The following MID2 variants were observed in gnomAD, a reference collection of about 807,000 sequenced individuals.
MID2 encodes probable E3 ubiquitin-protein ligase MID2.
Under a neutral mutation model 46.1 loss-of-function variants are expected in MID2, and 13 were observed. The observed-to-expected ratio is 0.28, with a 90% CI of 0.18 to 0.45. The LOEUF (loss-of-function observed/expected upper bound fraction) is 0.45. Ranked by LOEUF, MID2 falls within the 20% of genes least tolerant of loss-of-function variation. The pLI is 1.00. For missense variants in MID2, 431 were observed against 575.4 expected (o/e 0.75, Z 2.57); for synonymous variants, 199 against 212.3 (o/e 0.94, Z 0.55).
rs1056985250 is a variant in MID2 at position 107,843,733 on chromosome X, T to G, written c.720+2348T>G. Among the ~76,000 whole-genome samples the G allele has an allele frequency of 4.5e-5, 5 of 110,955 alleles. 1 individual carries two copies. In the Admixed American group the frequency reaches 4.8e-4, roughly 11 times the overall value. On this transcript the variant is annotated intron_variant, in intron 2 of 9. Transcript: ENST00000262843. Reference sequence around the variant, plus strand: ...TGTAAAAGAATATTAATTCTCCATGTTAAGCAGAGAGAAAGTCTGACTTTT... The same window carrying G: ...TGTAAAAGAATATTAATTCTCCATGGTAAGCAGAGAGAAAGTCTGACTTTT...
At chrX:107,878,012 GA>G (rs367576897) in intron 3 of MID2, among the ~76,000 whole-genome samples, 2,534 of 96,244 alleles carry the variant, frequency 0.026, 62 homozygotes, top group African/African-American at 0.082. Flanking sequence ...AAAAAGAAAG[GA>G]AAAAAAAAAA....
chrX:107,872,167 C>T (rs965807411), intron 3 of MID2, among the ~76,000 whole-genome samples: 1 of 111,666 alleles, frequency 9.0e-6, no homozygotes, highest in African/African-American at 3.3e-5. Flanking sequence ...CCAAGGTCTA[C>T]CTAAGGGTCC....
In MID2 at chrX:107,840,962, G is replaced by A. The variant is rs750882971; in HGVS notation, c.297G>A (p.Leu99=). 8.3e-7 allele frequency: 1 copy of A among 1,209,673 alleles called. No individual in the cohort carries two copies. The highest frequency in any genetic ancestry group is 1.8e-5 in the African/African-American group (1 of 56,956). The change falls in exon 2 of 10, where the codon CTG becomes CTA. Residue 99 remains leucine, a synonymous_variant. Transcript: ENST00000262843. ...GLDGLKRNVT[L]QNIIDRFQKA... ...ATGGCCTCAAGAGGAATGTGACTCT[G>A]CAGAACATTATTGATCGCTTCCAGA...
chrX:107,845,525 A>ACTCTCTCTCTCTCTCTCTCTCTCTCTCT (rs766707051), intron 2 of MID2, among the ~76,000 whole-genome samples: 7 of 72,942 alleles, frequency 9.6e-5, no homozygotes, highest in African/African-American at 3.8e-4. Flanking sequence ...ACACACACAC[A>ACTCTCTCTCTCTCTCTCTCTCTCTCTCT]CTCTCTCTCT....
At chrX:107,890,164 G>A (rs1932565444) in intron 3 of MID2, among the ~76,000 whole-genome samples, 1 of 112,361 alleles carries the variant, frequency 8.9e-6, no homozygotes, top group South Asian at 3.7e-4. Context: ...CTGGTGAGGA[G>A]CTGCGTTCCT....
chrX:107,894,533 AAAATG>A (rs1200148838), intron 3 of MID2: 16 of 112,251 alleles, frequency 1.4e-4, no homozygotes, highest in Non-Finnish European at 2.6e-4. Flanking sequence ...GTGCAAAAAT[AAAATG>A]AAAGAGAAAT....
At chrX:107,919,834 A>G (rs1020215781) in intron 7 of MID2, among the ~76,000 whole-genome samples, 1 of 111,546 alleles carries the variant, frequency 9.0e-6, no homozygotes, top group Non-Finnish European at 1.9e-5. Context: ...TGAATTTTCT[A>G]TGTATTCCAA....
rs954725452 is a variant in MID2 at position 107,928,187 on chromosome X, C to T, written c.*1114C>T. On this transcript the variant is annotated 3_prime_UTR_variant, in exon 10 of 10. Coordinates refer to ENST00000262843, the MANE Select transcript of MID2 (RefSeq NM_012216.4). ...GTATTATTGATGCACCAACTATTCC[C>T]ATATAAATGTACTTGCTTTTTCAGA... Among the ~76,000 whole-genome samples, 25 of 112,076 alleles carry T rather than the reference C, an allele frequency of 2.2e-4. No individual in the cohort carries two copies. The highest frequency in any genetic ancestry group is 7.1e-4 in the African/African-American group (22 of 30,920).
intron 3 of MID2, among the ~76,000 whole-genome samples, chrX:107,861,208 A>G (rs1931844932): frequency 8.9e-6 from 1 of 112,445 alleles, no homozygotes; most frequent in Non-Finnish European, 1.9e-5. Context: ...GGAAGATTTG[A>G]TGAGTCAATT....
At chrX:107,844,969 A>G (rs1316578731) in intron 2 of MID2, among the ~76,000 whole-genome samples, 2 of 111,951 alleles carry the variant, frequency 1.8e-5, no homozygotes, top group Admixed American at 1.9e-4. Flanking sequence ...AAGAAATCCA[A>G]ATGAATTCAG....
At chrX:107,842,797 A>G (rs568263924) in intron 2 of MID2, among the ~76,000 whole-genome samples, 17 of 112,267 alleles carry the variant, frequency 1.5e-4, no homozygotes, top group African/African-American at 5.5e-4. Flanking sequence ...TCTTAGACTC[A>G]TAAGATATTA....
intron 1 of MID2, among the ~76,000 whole-genome samples, chrX:107,839,170 T>TTCAG (rs1260185357): frequency 5.4e-5 from 6 of 111,033 alleles, no homozygotes; most frequent in Non-Finnish European, 9.4e-5. Context: ...GATTAACATT[T>TTCAG]TCAGTCAGTA....
In MID2 at chrX:107,877,579, T is replaced by C. The variant is rs761551690; in HGVS notation, c.816+22875T>C. Among the ~76,000 whole-genome samples the C allele has an allele frequency of 3.6e-5, 4 of 112,102 alleles. No homozygotes were observed. In the East Asian group the frequency reaches 8.4e-4, roughly 23 times the overall value. On this transcript the variant is annotated intron_variant, in intron 3 of 9. Coordinates refer to ENST00000262843, the MANE Select transcript of MID2 (RefSeq NM_012216.4). ...AGATGGATGCCACCCACAGGTGCCA[T>C]TGCAGCCTGCACTCATAAAACAAGG...
rs1234659258 is a variant in MID2, at chrX:107,890,022, AT to A, written c.817-13928del. ...GTTATTCTAGTTAGCCATTCATGTA[AT>A]TTTTTTTCAAGGTTTTTAACTTCTT... On this transcript the variant is annotated intron_variant, in intron 3 of 9. Transcript: ENST00000262843. Among the ~76,000 whole-genome samples the A allele has an allele frequency of 1.4e-4, 15 of 110,615 alleles. No individual in the cohort carries two copies. The East Asian group carries it at 4.0e-3, about 29-fold the overall frequency.
rs1449555132 is a variant in MID2 at position 107,926,285 on chromosome X, A to G, written c.1789A>G (p.Met597Val). ...TGGCTGCCACTATTGGGAGGTGGTC[A>G]TGGGTTCCTCAACATGGTGAGTGGA... ...DSGCHYWEVV[M>V]GSSTWYAIGI... Residue 597 changes from methionine to valine, a missense_variant, in exon 9 of 10, where the codon ATG (methionine) becomes GTG (valine). Physicochemically the swap from Met to Val is conservative, Grantham distance 21. Coordinates refer to ENST00000262843, the MANE Select transcript of MID2 (RefSeq NM_012216.4). 2.5e-6 allele frequency: 3 copies of G among 1,207,852 alleles called. No homozygotes were observed. The South Asian group carries it at 5.3e-5, about 21-fold the overall frequency.
chrX:107,926,170 G>A lies in MID2; in HGVS notation c.1674G>A (p.Lys558=). The part of the protein sequence containing the change: ...KISNDGLQME[K]DESSLKKSHT... ...CCAATGATGGATTGCAGATGGAGAA[G>A]GATGAAAGCTCTCTAAAGAAGAGCC... The change falls in exon 9 of 10, where the codon AAG becomes AAA. Residue 558 remains lysine, a synonymous_variant. Transcript: ENST00000262843. 5.0e-6 allele frequency: 6 copies of A among 1,208,192 alleles called. No homozygotes were observed. The highest frequency in any genetic ancestry group is 5.6e-6 in the Non-Finnish European group (5 of 892,883).
chrX:107,897,527 C>A (rs1448377603), intron 3 of MID2, among the ~76,000 whole-genome samples: 1 of 112,021 alleles, frequency 8.9e-6, no homozygotes, highest in Non-Finnish European at 1.9e-5. Flanking sequence ...TTACGTAAAG[C>A]TGGAAGGACC....
chrX:107,876,756 G>A (rs1343321194), intron 3 of MID2, among the ~76,000 whole-genome samples: 1 of 112,132 alleles, frequency 8.9e-6, no homozygotes, highest in Non-Finnish European at 1.9e-5. Flanking sequence ...TTCCAGGAGA[G>A]TTCAGATACT....
intron 3 of MID2, among the ~76,000 whole-genome samples, chrX:107,870,750 C>T (rs937778869): frequency 2.2e-5 from 2 of 89,303 alleles, no homozygotes; most frequent in African/African-American, 9.9e-5. Context: ...CTACAAATTG[C>T]GGCTTTTTTT....
Sources: allele counts gnomAD v4.1 joint callset (sites outside exome capture counted in the v4.1 genomes callset), GRCh38; gene constraint gnomAD v4.1.1; transcripts MANE v1.5; gene names NCBI Gene and HGNC (gene_info 2026-07-23, HGNC 2026-07-21).